The following OSBPL5 variants were observed in gnomAD, a reference collection of about 807,000 sequenced individuals.
OSBPL5 encodes the protein oxysterol-binding protein-related protein 5.
OSBPL5 carries 71 observed loss-of-function variants against 111.2 expected under a neutral mutation model. The ratio of observed to expected loss-of-function variants is 0.64; its 90% CI spans 0.53 to 0.78. The LOEUF (loss-of-function observed/expected upper bound fraction) is 0.78, where lower values mean the gene tolerates loss of function less well. Among genes scored for constraint, OSBPL5 ranks in the 30% least tolerant of loss-of-function variants. The pLI is 0.00. For missense variants in OSBPL5, 1,210 were observed against 1,189.3 expected (o/e 1.02, Z -0.26); for synonymous variants, 549 against 513.9 (o/e 1.07, Z -0.93).
chr11:3,092,552 G>T lies in OSBPL5; in HGVS notation c.2139C>A (p.Ser713Arg). The T allele has an allele frequency of 6.3e-7, 1 of 1,589,772 alleles. No homozygotes were observed. The highest frequency in any genetic ancestry group is 8.6e-7 in the Non-Finnish European group (1 of 1,168,128). Residue 713 changes from serine (S) to arginine (R), a missense_variant, in exon 19 of 22, where the codon AGC (serine) becomes AGA (arginine). Transcript: ENST00000263650. This position sits in a 1 kb window ranked among gnomAD's most constrained non-coding sequence, Gnocchi z 5.4. ...QEWHYRYEDH[S>R]PWDPLKDIAQ... ...CGATGTCCTTCAGGGGGTCCCAGGG[G>T]CTGTGGCTGGAGGGTCCAGAGGGCG...
At chr11:3,127,155 T>A (rs1858656057) in intron 2 of OSBPL5, among the ~76,000 whole-genome samples, 1 of 152,192 alleles carries the variant, frequency 6.6e-6, no homozygotes, top group Admixed American at 6.5e-5. Context: ...AAGGTACGAT[T>A]TCTGGACAGG....
chr11:3,150,398 T>A (rs1846542502), intron 1 of OSBPL5, among the ~76,000 whole-genome samples: 1 of 152,128 alleles, frequency 6.6e-6, no homozygotes, highest in Admixed American at 6.5e-5. Context: ...GGGACCAGGA[T>A]GCAGCCTTGG....
At chr11:3,115,296 A>C (rs902618635) in intron 7 of OSBPL5, among the ~76,000 whole-genome samples, 3 of 152,184 alleles carry the variant, frequency 2.0e-5, no homozygotes, top group African/African-American at 7.2e-5. Context: ...ACAGATATTA[A>C]AATTTTTTTT....
chr11:3,093,416 C>T (rs1857133508), intron 17 of OSBPL5, 111 bp downstream of exon 17: 1 of 1,488,898 alleles, frequency 6.7e-7, no homozygotes, highest in South Asian at 1.3e-5. Context: ...CCTGCCCTCC[C>T]TGCCAGGGAC....
intron 1 of OSBPL5, among the ~76,000 whole-genome samples, chr11:3,149,458 T>C (rs1846489974): frequency 6.6e-6 from 1 of 152,244 alleles, no homozygotes; most frequent in African/African-American, 2.4e-5. Context: ...GCATCCTCCC[T>C]GTCCCCATCA....
At position 3,126,136 on chromosome 11, in the gene OSBPL5, A is replaced by G. The variant is rs1215571544; in HGVS notation, c.219+337T>C. ...CAGTTCCTCCAAAAGTTAAACAGACAATTTTGAGAGTTCTATATTATCCTG... is the reference window on the plus strand; with the variant it reads ...CAGTTCCTCCAAAAGTTAAACAGACGATTTTGAGAGTTCTATATTATCCTG... On this transcript the variant is annotated intron_variant, in intron 3 of 21. Coordinates refer to ENST00000263650, the MANE Select transcript of OSBPL5 (RefSeq NM_020896.4). The surrounding 1 kb of genome is among the most constrained non-coding windows in gnomAD (Gnocchi z 6.5). 6.6e-6 allele frequency among the ~76,000 whole-genome samples: 1 copy of G among 152,204 alleles called. No individual in the cohort carries two copies. Among genetic ancestry groups the G allele is most frequent in the African/African-American group, 2.4e-5 (1 of 41,440 alleles).
rs1162942773 is a variant in OSBPL5, at chr11:3,106,011, C to T, written c.1059+1252G>A. Among the ~76,000 whole-genome samples, 11 of 152,152 alleles carry T rather than the reference C, an allele frequency of 7.2e-5. No individual in the cohort carries two copies. Among genetic ancestry groups the T allele is most frequent in the Admixed American group, 6.5e-4 (10 of 15,282 alleles). Reference sequence around the variant, plus strand: ...GTCCACCCCCGCCCCTCGGCTGTCCCGAGGCCCTTGCCTAACCCGCCGGTG... The same window carrying T: ...GTCCACCCCCGCCCCTCGGCTGTCCTGAGGCCCTTGCCTAACCCGCCGGTG... On this transcript the variant is annotated intron_variant, in intron 9 of 21. Transcript: ENST00000263650. The surrounding 1 kb of genome is among the most constrained non-coding windows in gnomAD (Gnocchi z 8.4).
chr11:3,113,652 C>T lies in OSBPL5; in HGVS notation c.692-5707G>A, dbSNP rs1480380515. 1.7e-5 allele frequency among the ~76,000 whole-genome samples: 2 copies of T among 114,574 alleles called. No homozygotes were observed. Among genetic ancestry groups the T allele is most frequent in the Non-Finnish European group, 3.9e-5 (2 of 51,130 alleles). The allele number at this position is 114,574 out of a possible 152,430, so 75.2% of individuals were successfully genotyped here. A position where few individuals can be genotyped will look rare whatever the true frequency, so the allele number is the denominator to read the frequency against. ...CTGGGAGACTAGAGCAAGACTCCGT[C>T]TCAAAAAAAAAAAAATTTATATTGG... On this transcript the variant is annotated intron_variant, in intron 7 of 21. Coordinates refer to ENST00000263650, the MANE Select transcript of OSBPL5 (RefSeq NM_020896.4). The surrounding 1 kb of genome is among the most constrained non-coding windows in gnomAD (Gnocchi z 4.8).
At chr11:3,133,004 C>A (rs936815139) in intron 1 of OSBPL5, among the ~76,000 whole-genome samples, 2 of 152,210 alleles carry the variant, frequency 1.3e-5, no homozygotes, top group African/African-American at 2.4e-5. Context: ...GCCTGGGGTG[C>A]CTGCCTGCCT....
chr11:3,135,211 G>A (rs1254094629), intron 1 of OSBPL5, among the ~76,000 whole-genome samples: 1 of 152,224 alleles, frequency 6.6e-6, no homozygotes, highest in Non-Finnish European at 1.5e-5. Context: ...AGCTGTGCTG[G>A]GCTGGGCAGG....
chr11:3,103,714 C>T (rs1857542210), intron 10 of OSBPL5, among the ~76,000 whole-genome samples: 1 of 135,360 alleles, frequency 7.4e-6, no homozygotes, highest in Non-Finnish European at 1.6e-5. Flanking sequence ...GTACCCCCTT[C>T]CAGGCTCTGC....
rs540283508 is a variant in OSBPL5 at position 3,106,394 on chromosome 11, ACAGCCCCCACCCCAGAGCG to A, written c.1059+850_1059+868del. Among the ~76,000 whole-genome samples the A allele has an allele frequency of 3.6e-3, 533 of 147,630 alleles. 4 individuals are homozygous for A. Among genetic ancestry groups the A allele is most frequent in the African/African-American group, 0.013 (501 of 40,040 alleles). ...CAGATCACAGAGCCCCCCGTTCCTG[ACAGCCCCCACCCCAGAGCG>A]CAGCCCCCACCCCAGAGCCCGGCTT... On this transcript the variant is annotated intron_variant, in intron 9 of 21. Coordinates refer to ENST00000263650, the MANE Select transcript of OSBPL5 (RefSeq NM_020896.4). This position sits in a 1 kb window ranked among gnomAD's most constrained non-coding sequence, Gnocchi z 8.4.
At chr11:3,133,400 C>T (rs1564851258) in intron 1 of OSBPL5, among the ~76,000 whole-genome samples, 1 of 152,238 alleles carries the variant, frequency 6.6e-6, no homozygotes, top group Non-Finnish European at 1.5e-5. Flanking sequence ...ATGCAAAAGG[C>T]CTGTTATCGC....
rs1258672827 is a variant in OSBPL5, at chr11:3,145,929, G to C, written c.-21-16760C>G. ...CTCTGGGTGGGCTGAGGGTTACAGGGACACTGGTACATCCTCCCGGGGTCA... is the reference window on the plus strand; with the variant it reads ...CTCTGGGTGGGCTGAGGGTTACAGGCACACTGGTACATCCTCCCGGGGTCA... On this transcript the variant is annotated intron_variant, in intron 1 of 21. Coordinates refer to ENST00000263650, the MANE Select transcript of OSBPL5 (RefSeq NM_020896.4). Among the ~76,000 whole-genome samples, 5 of 152,158 alleles carry C rather than the reference G, an allele frequency of 3.3e-5. No individual in the cohort carries two copies. The East Asian group carries it at 9.6e-4, about 29-fold the overall frequency.
Position 3,130,770 on chromosome 11 carries a change from T to A in OSBPL5, c.-21-1601A>T, listed in dbSNP as rs1188609267. On this transcript the variant is annotated intron_variant, in intron 1 of 21. Transcript: ENST00000263650. This position sits in a 1 kb window ranked among gnomAD's most constrained non-coding sequence, Gnocchi z 4.5. ...GTGTCTGCCCACTCAGTGTCTCAGC[T>A]TGGCTCAGCCAACCTGCCGCAGGGA... Among the ~76,000 whole-genome samples, 2 of 152,206 alleles carry A rather than the reference T, an allele frequency of 1.3e-5. No individual in the cohort carries two copies. The highest frequency in any genetic ancestry group is 4.8e-5 in the African/African-American group (2 of 41,454).
At chr11:3,101,763 C>T in intron 12 of OSBPL5, 64 bp from the exon 13 acceptor site, 1 of 1,372,078 alleles carries the variant, frequency 7.3e-7, no homozygotes, top group African/African-American at 1.4e-5. Flanking sequence ...AAGCGAGAGC[C>T]CAGCTTCCCC....
chr11:3,095,344 A>C (rs1319267314), intron 14 of OSBPL5, among the ~76,000 whole-genome samples: 2 of 152,068 alleles, frequency 1.3e-5, no homozygotes, highest in South Asian at 2.1e-4. Context: ...GAAAAGAAAG[A>C]AAAGCAAAGC....
chr11:3,112,086 CAT>C (rs112767682), intron 7 of OSBPL5, among the ~76,000 whole-genome samples: 12 of 88,806 alleles, frequency 1.4e-4, no homozygotes, highest in South Asian at 4.2e-4. Flanking sequence ...TGTGTGTGTG[CAT>C]GTGTGTGTGC....
intron 1 of OSBPL5, among the ~76,000 whole-genome samples, chr11:3,155,943 G>A (rs1350947691): frequency 1.3e-5 from 2 of 152,246 alleles, no homozygotes. Context: ...TCAGGCTCAA[G>A]CCTGTGTTTC....
Sources: allele counts gnomAD v4.1 joint callset (sites outside exome capture counted in the v4.1 genomes callset), GRCh38; gene constraint gnomAD v4.1.1; non-coding constraint Gnocchi (gnomAD v3.1); transcripts MANE v1.5; gene names NCBI Gene and HGNC (gene_info 2026-07-23, HGNC 2026-07-21).